The following SSBP2 variants were observed in gnomAD, a reference collection of about 807,000 sequenced individuals.
SSBP2 encodes single-stranded DNA-binding protein 2.
Under a neutral mutation model 61.8 loss-of-function variants are expected in SSBP2, and 17 were observed. The ratio of observed to expected loss-of-function variants is 0.28; its 90% CI spans 0.19 to 0.41. The LOEUF (loss-of-function observed/expected upper bound fraction) is 0.41. Ranked by LOEUF, SSBP2 falls within the 10% of genes least tolerant of loss-of-function variation. The probability of loss-of-function intolerance (pLI) is 1.00; values close to 1 mark genes in which losing one functional copy is unlikely to be tolerated. For missense variants in SSBP2, 310 were observed against 458.7 expected, an observed-to-expected ratio of 0.68 and a Z score of 2.96; for synonymous variants, 139 against 141.3, an observed-to-expected ratio of 0.98 and a Z score of 0.12.
At chr5:81,704,750 C>G (rs939950309) in intron 1 of SSBP2, among the ~76,000 whole-genome samples, 1 of 124,268 alleles carries the variant, frequency 8.0e-6, no homozygotes, top group African/African-American at 3.0e-5. Flanking sequence ...GAGCCGAGAT[C>G]ACACCACTAC....
chr5:81,669,174 T>C (rs1195751414), intron 1 of SSBP2, among the ~76,000 whole-genome samples: 2 of 152,208 alleles, frequency 1.3e-5, no homozygotes, highest in Non-Finnish European at 2.9e-5. Context: ...CAACAAACCC[T>C]GACAACAGTA....
Position 81,493,469 on chromosome 5 carries a change from T to C in SSBP2, c.373-4160A>G, listed in dbSNP as rs1023970382. On this transcript the variant is annotated intron_variant, in intron 5 of 16. Coordinates refer to ENST00000320672, the MANE Select transcript of SSBP2 (RefSeq NM_012446.5). ...CACACCTGGGTATTAAAAAAAAAAA[T>C]TGCAGGCCGGACGTGGTGACTCACA... Among the ~76,000 whole-genome samples, 9 of 151,372 alleles carry C rather than the reference T, an allele frequency of 5.9e-5. No homozygotes were observed. The East Asian group carries it at 1.6e-3, about 26-fold the overall frequency.
At chr5:81,645,539 C>T (rs568389383) in intron 2 of SSBP2, among the ~76,000 whole-genome samples, 2 of 152,300 alleles carry the variant, frequency 1.3e-5, no homozygotes, top group Non-Finnish European at 2.9e-5. Flanking sequence ...GGGTATTGAG[C>T]CTCATTCTGA....
At chr5:81,642,086 G>A (rs1039381837) in intron 2 of SSBP2, among the ~76,000 whole-genome samples, 2 of 152,124 alleles carry the variant, frequency 1.3e-5, no homozygotes, top group South Asian at 2.1e-4. Flanking sequence ...TAGCAAATAT[G>A]AATTAATGAT....
At chr5:81,427,407 C>T (rs1361041827) in intron 16 of SSBP2, among the ~76,000 whole-genome samples, 2 of 151,886 alleles carry the variant, frequency 1.3e-5, no homozygotes, top group Non-Finnish European at 2.9e-5. Flanking sequence ...TACAGATCAG[C>T]ATAATTTTAA....
Position 81,461,109 on chromosome 5 carries a change from A to G in SSBP2, c.639-6T>C. 1 of 1,578,702 alleles carries G rather than the reference A, an allele frequency of 6.3e-7. No homozygotes were observed. The highest frequency in any genetic ancestry group is 8.6e-7 in the Non-Finnish European group (1 of 1,165,080). On this transcript the variant is annotated splice_polypyrimidine_tract_variant and splice_region_variant and intron_variant, in intron 9 of 16. Coordinates refer to ENST00000320672, the MANE Select transcript of SSBP2 (RefSeq NM_012446.5). The stretch of plus-strand genomic sequence containing the variant: ...GTCTACCACCACCTGGACCCCTACA[A>G]AACAATTTGATAAATGAAATTTTAA...
At position 81,473,730 on chromosome 5, in the gene SSBP2, A is replaced by G. The variant is rs1165172483; in HGVS notation, c.540T>C (p.Pro180=). 1.2e-6 allele frequency: 2 copies of G among 1,613,950 alleles called. No individual in the cohort carries two copies. The highest frequency in any genetic ancestry group is 2.2e-5 in the South Asian group (2 of 91,086). Reference sequence around the variant, plus strand: ...GTCCTAAGGGCACCATTCCTCTTGGAGGAGTCATTCTCTGCATTGGCCCAC... The same window carrying G: ...GTCCTAAGGGCACCATTCCTCTTGGGGGAGTCATTCTCTGCATTGGCCCAC... Residue 180 remains proline (P), a synonymous_variant, in exon 8 of 17, where the codon CCT becomes CCC. Coordinates refer to ENST00000320672, the MANE Select transcript of SSBP2 (RefSeq NM_012446.5).
rs1428445723 is a variant in SSBP2, at chr5:81,605,021, T to C, written c.282+10452A>G. Reference sequence around the variant, plus strand: ...AATTTCACAAAAATTTACTTTTTGCTTATTTTTAAATATTTTGGACCAGTT... The same window carrying C: ...AATTTCACAAAAATTTACTTTTTGCCTATTTTTAAATATTTTGGACCAGTT... On this transcript the variant is annotated intron_variant, in intron 4 of 16. Coordinates refer to ENST00000320672, the MANE Select transcript of SSBP2 (RefSeq NM_012446.5). 2.0e-5 allele frequency among the ~76,000 whole-genome samples: 3 copies of C among 152,252 alleles called. No homozygotes were observed. In the East Asian group the frequency reaches 5.8e-4, roughly 29 times the overall value.
At chr5:81,694,059 T>G (rs949294455) in intron 1 of SSBP2, among the ~76,000 whole-genome samples, 1 of 152,146 alleles carries the variant, frequency 6.6e-6, no homozygotes, top group Non-Finnish European at 1.5e-5. Flanking sequence ...TTATGTTAAG[T>G]GAAATAAGCC....
chr5:81,699,163 G>A (rs1364240327), intron 1 of SSBP2, among the ~76,000 whole-genome samples: 2 of 152,218 alleles, frequency 1.3e-5, no homozygotes, highest in East Asian at 3.8e-4. Flanking sequence ...TGCGCATTCA[G>A]CAAGTAGTAA....
intron 5 of SSBP2, among the ~76,000 whole-genome samples, chr5:81,497,400 A>AC (rs1767370487): frequency 6.6e-6 from 1 of 152,208 alleles, no homozygotes; most frequent in Non-Finnish European, 1.5e-5. Flanking sequence ...TGGCCCATTG[A>AC]CCAAGTGATC....
At chr5:81,465,563 TAC>T (rs1263357103) in intron 9 of SSBP2, among the ~76,000 whole-genome samples, 2 of 152,076 alleles carry the variant, frequency 1.3e-5, no homozygotes, top group Non-Finnish European at 2.9e-5. Flanking sequence ...TGATATTAGA[TAC>T]ATTCTTATTG....
chr5:81,727,283 C>T (rs185024686), intron 1 of SSBP2, among the ~76,000 whole-genome samples: 65 of 152,314 alleles, frequency 4.3e-4, no homozygotes, highest in African/African-American at 1.5e-3. Flanking sequence ...GGTGCAGTGG[C>T]TCACGCCTGT....
At chr5:81,695,031 C>A (rs1753498360) in intron 1 of SSBP2, among the ~76,000 whole-genome samples, 1 of 152,128 alleles carries the variant, frequency 6.6e-6, no homozygotes, top group South Asian at 2.1e-4. Context: ...ACTCAAATAA[C>A]CAGGTCTAAA....
intron 4 of SSBP2, among the ~76,000 whole-genome samples, chr5:81,522,550 T>C (rs1327478293): frequency 6.6e-6 from 1 of 152,056 alleles, no homozygotes; most frequent in Non-Finnish European, 1.5e-5. Context: ...TCCCTAAAAT[T>C]TGTTAAATAA....
At chr5:81,666,516 T>C (rs1043916991) in intron 1 of SSBP2, among the ~76,000 whole-genome samples, 1 of 152,196 alleles carries the variant, frequency 6.6e-6, no homozygotes, top group East Asian at 1.9e-4. Flanking sequence ...TTACCTCATA[T>C]AGAAAGGCAA....
chr5:81,585,460 C>T (rs1000140508), intron 4 of SSBP2, among the ~76,000 whole-genome samples: 2 of 151,748 alleles, frequency 1.3e-5, no homozygotes, highest in Non-Finnish European at 2.9e-5. Context: ...TGAAATTTTA[C>T]ATAAGGAAGC....
intron 1 of SSBP2, among the ~76,000 whole-genome samples, chr5:81,667,286 T>TACACAC (rs71605804): frequency 0.022 from 2,907 of 133,764 alleles, 88 homozygotes; most frequent in African/African-American, 0.064. Flanking sequence ...GGGATACAGA[T>TACACAC]ACACACACAC....
intron 4 of SSBP2, among the ~76,000 whole-genome samples, chr5:81,534,628 T>C (rs1376343214): frequency 6.6e-6 from 1 of 152,014 alleles, no homozygotes; most frequent in Non-Finnish European, 1.5e-5. Flanking sequence ...ATCTCTGAGC[T>C]TGAGGATGTG....
Sources: gnomAD v4.1 joint callset for allele counts (sites outside exome capture counted in the v4.1 genomes callset) on GRCh38, gnomAD v4.1.1 for gene constraint, MANE v1.5 for transcripts, NCBI Gene and HGNC (gene_info 2026-07-23, HGNC 2026-07-21) for gene names.